KCNH8: variants seen among roughly 807,000 people sequenced by gnomAD.
KCNH8 encodes the protein potassium voltage-gated channel subfamily H member 8, also known as voltage-gated delayed rectifier potassium channel KCNH8.
Under a neutral mutation model 103.6 loss-of-function variants are expected in KCNH8, and 70 were observed. The ratio of observed to expected loss-of-function variants is 0.68; its 90% CI spans 0.56 to 0.82. KCNH8 has a LOEUF of 0.82. Ranked by LOEUF, KCNH8 falls within the 40% of genes least tolerant of loss-of-function variation. The pLI is 0.00. For synonymous variants in KCNH8, 498 were observed against 489.4 expected (o/e 1.02, Z -0.23); for missense variants, 1,217 against 1,329.9 (o/e 0.92, Z 1.32).
chr3:19,435,732 T>C (rs1409917131), intron 7 of KCNH8, among the ~76,000 whole-genome samples: 1 of 152,172 alleles, frequency 6.6e-6, no homozygotes, highest in Non-Finnish European at 1.5e-5. Flanking sequence ...TACTAGGTGG[T>C]TTTTCATATT....
chr3:19,170,957 A>G (rs1463204341), intron 1 of KCNH8, among the ~76,000 whole-genome samples: 4 of 151,688 alleles, frequency 2.6e-5, no homozygotes, highest in Non-Finnish European at 5.9e-5. Context: ...GACTACAGGC[A>G]TCCGCCACTG....
intron 5 of KCNH8, among the ~76,000 whole-genome samples, chr3:19,354,892 A>T (rs1464693131): frequency 6.6e-6 from 1 of 152,222 alleles, no homozygotes; most frequent in Admixed American, 6.5e-5. Context: ...GGATTTAATT[A>T]AACTAAAGAG....
chr3:19,329,824 A>C (rs1212086190), intron 3 of KCNH8, among the ~76,000 whole-genome samples: 1 of 152,156 alleles, frequency 6.6e-6, no homozygotes, highest in African/African-American at 2.4e-5. Context: ...CAACAAGATC[A>C]AATTATGGAA....
At chr3:19,305,113 A>T (rs1030746096) in intron 3 of KCNH8, among the ~76,000 whole-genome samples, 7 of 152,088 alleles carry the variant, frequency 4.6e-5, no homozygotes, top group Non-Finnish European at 1.0e-4. Context: ...GGAAAAAAAA[A>T]AAGTGCTATA....
chr3:19,225,393 T>C (rs2063919323), intron 1 of KCNH8, among the ~76,000 whole-genome samples: 1 of 152,094 alleles, frequency 6.6e-6, no homozygotes, highest in African/African-American at 2.4e-5. Flanking sequence ...GTCTGCTGAC[T>C]TCTAGCCTAG....
At chr3:19,186,255 A>G (rs1365974385) in intron 1 of KCNH8, among the ~76,000 whole-genome samples, 2 of 150,060 alleles carry the variant, frequency 1.3e-5, no homozygotes. Context: ...CCATAGCTTT[A>G]TTTTATATGG....
chr3:19,287,676 C>A (rs962987800), intron 3 of KCNH8, among the ~76,000 whole-genome samples: 4 of 152,156 alleles, frequency 2.6e-5, no homozygotes, highest in African/African-American at 9.7e-5. Flanking sequence ...ACCTCCACCT[C>A]CCGGGTTCAA....
At chr3:19,416,154 T>A (rs1158841783) in intron 7 of KCNH8, among the ~76,000 whole-genome samples, 1 of 152,110 alleles carries the variant, frequency 6.6e-6, no homozygotes, top group Non-Finnish European at 1.5e-5. Flanking sequence ...TGTGCATTGG[T>A]CACCACAGAA....
At chr3:19,466,206 G>C (rs192669894) in intron 11 of KCNH8, among the ~76,000 whole-genome samples, 1 of 152,096 alleles carries the variant, frequency 6.6e-6, no homozygotes, top group African/African-American at 2.4e-5. Context: ...GATTACAGGT[G>C]TTAGCCACCA....
At chr3:19,240,487 C>G (rs1237454932) in intron 1 of KCNH8, among the ~76,000 whole-genome samples, 1 of 151,932 alleles carries the variant, frequency 6.6e-6, no homozygotes, top group Admixed American at 6.6e-5. Flanking sequence ...TGGCGCATGC[C>G]TGTAATCCCA....
rs948809146 is a variant in KCNH8 at position 19,332,565 on chromosome 3, G to A, written c.443-10022G>A. 1.1e-4 allele frequency among the ~76,000 whole-genome samples: 17 copies of A among 152,244 alleles called. No homozygotes were observed. In the East Asian group the frequency reaches 3.1e-3, roughly 28 times the overall value. ...ATGCAATTGCTCACTTGTATGTTAA[G>A]TATACGTTTAAGGCTTTTTTCTTCA... is the stretch of plus-strand genomic sequence containing the variant. On this transcript the variant is annotated intron_variant, in intron 3 of 15. Transcript: ENST00000328405.
chr3:19,325,832 G>A (rs2065415132), intron 3 of KCNH8, among the ~76,000 whole-genome samples: 1 of 152,138 alleles, frequency 6.6e-6, no homozygotes, highest in Non-Finnish European at 1.5e-5. Context: ...TCACCTTACT[G>A]AGTACATACC....
At chr3:19,488,972 T>A (rs1248181519) in intron 11 of KCNH8, among the ~76,000 whole-genome samples, 1 of 152,182 alleles carries the variant, frequency 6.6e-6, no homozygotes, top group East Asian at 1.9e-4. Context: ...ATTTTTCCAA[T>A]TGAGGAGGTC....
intron 3 of KCNH8, among the ~76,000 whole-genome samples, chr3:19,287,922 T>G (rs960645151): frequency 2.0e-5 from 3 of 152,070 alleles, no homozygotes; most frequent in Non-Finnish European, 2.9e-5. Context: ...ACCTTCTAAC[T>G]TTTTTGAAAC....
At chr3:19,429,318 T>C (rs891354383) in intron 7 of KCNH8, among the ~76,000 whole-genome samples, 176 of 151,760 alleles carry the variant, frequency 1.2e-3, no homozygotes, top group Non-Finnish European at 2.1e-3. Flanking sequence ...GGACTACAGG[T>C]GCCCGCCACT....
intron 7 of KCNH8, among the ~76,000 whole-genome samples, chr3:19,437,788 C>T (rs1159631805): frequency 6.6e-6 from 1 of 152,140 alleles, no homozygotes; most frequent in Non-Finnish European, 1.5e-5. Context: ...AATATTTACT[C>T]AATTTCTTTG....
chr3:19,479,857 T>C (rs530609200), intron 11 of KCNH8, among the ~76,000 whole-genome samples: 3 of 152,178 alleles, frequency 2.0e-5, no homozygotes, highest in Non-Finnish European at 4.4e-5. Flanking sequence ...TAAGATAAAA[T>C]ATGGAATGAT....
rs1051547463 is a variant in KCNH8 at position 19,308,769 on chromosome 3, C to T, written c.442+27440C>T. Reference sequence around the variant, plus strand: ...CCCTCTCTCCCTCTCTCCCTCTCTCCCTCCCTCTCTCTCTCTCCCTCTCTC... The same window carrying T: ...CCCTCTCTCCCTCTCTCCCTCTCTCTCTCCCTCTCTCTCTCTCCCTCTCTC... On this transcript the variant is annotated intron_variant, in intron 3 of 15. Transcript: ENST00000328405. Among the ~76,000 whole-genome samples, 56 of 28,542 alleles carry T rather than the reference C, an allele frequency of 2.0e-3. 2 individuals carry two copies. The highest frequency in any genetic ancestry group is 0.014 in the South Asian group (10 of 706). 18.7% of individuals were successfully genotyped at this position (28,542 alleles called of 152,430 possible).
chr3:19,383,045 AC>A (rs1361706475), intron 5 of KCNH8, among the ~76,000 whole-genome samples: 7 of 152,260 alleles, frequency 4.6e-5, no homozygotes, highest in Admixed American at 2.6e-4. Context: ...GTTCCAGGTT[AC>A]CCCTGTTCTC....
Sources: allele counts gnomAD v4.1 joint callset (sites outside exome capture counted in the v4.1 genomes callset), GRCh38; gene constraint gnomAD v4.1.1; transcripts MANE v1.5; gene names NCBI Gene and HGNC (gene_info 2026-07-23, HGNC 2026-07-21).